Variants in PLXDC2 observed in about 807,000 individuals in gnomAD.
The protein encoded by PLXDC2 is plexin domain containing 2, also known as plexin domain-containing protein 2.
In PLXDC2, 40 loss-of-function variants were observed where a neutral mutation model predicts 68.9. That is an observed-to-expected ratio of 0.58 (90% CI 0.45 to 0.76). PLXDC2 has a LOEUF of 0.76. Ranked by LOEUF, PLXDC2 falls within the 30% of genes least tolerant of loss-of-function variation. PLXDC2 has a pLI of 0.00. For missense variants in PLXDC2, 644 were observed against 661.9 expected, an observed-to-expected ratio of 0.97 and a Z score of 0.30; for synonymous variants, 243 against 234.2, an observed-to-expected ratio of 1.04 and a Z score of -0.34.
intron 2 of PLXDC2, among the ~76,000 whole-genome samples, chr10:20,038,351 A>C (rs1835617824): frequency 6.6e-6 from 1 of 152,204 alleles, no homozygotes; most frequent in South Asian, 2.1e-4. Flanking sequence ...AAGTAGGTGA[A>C]AATTCTTGGG....
chr10:19,901,330 C>T (rs1317900544), intron 1 of PLXDC2, among the ~76,000 whole-genome samples: 1 of 152,088 alleles, frequency 6.6e-6, no homozygotes. Context: ...ACCTCCCTGC[C>T]AACATCTTTT....
At chr10:19,919,591 T>G (rs1195822357) in intron 1 of PLXDC2, among the ~76,000 whole-genome samples, 1 of 152,252 alleles carries the variant, frequency 6.6e-6, no homozygotes, top group Non-Finnish European at 1.5e-5. Flanking sequence ...GACAGCAATA[T>G]GTATTGTCCT....
intron 12 of PLXDC2, among the ~76,000 whole-genome samples, chr10:20,219,344 C>G (rs1294710891): frequency 6.6e-6 from 1 of 152,102 alleles, no homozygotes; most frequent in African/African-American, 2.4e-5. Flanking sequence ...AAAATTCAAC[C>G]ACACATCTTG....
intron 13 of PLXDC2, among the ~76,000 whole-genome samples, chr10:20,253,650 A>G (rs2119351120): frequency 6.6e-6 from 1 of 152,262 alleles, no homozygotes; most frequent in African/African-American, 2.4e-5. Flanking sequence ...TGTGCAACCT[A>G]GGGATTCTGT....
chr10:19,935,616 TCCAAGAGAACTCAGTCAC>T (rs1181971491), intron 1 of PLXDC2, among the ~76,000 whole-genome samples: 5 of 152,156 alleles, frequency 3.3e-5, no homozygotes, highest in Admixed American at 6.6e-5. Flanking sequence ...TGGCTCAGCA[TCCAAGAGAACTCAGTCAC>T]CCAAGAGAAT....
At chr10:19,964,059 G>A (rs1423002489) in intron 1 of PLXDC2, among the ~76,000 whole-genome samples, 3 of 152,096 alleles carry the variant, frequency 2.0e-5, no homozygotes, top group South Asian at 4.1e-4. Context: ...CAGCATCATC[G>A]GTTATAAGCA....
intron 1 of PLXDC2, among the ~76,000 whole-genome samples, chr10:19,922,078 C>T (rs1224050707): frequency 1.3e-5 from 2 of 152,052 alleles, no homozygotes; most frequent in African/African-American, 2.4e-5. Context: ...AGGCTGGTCT[C>T]GAACTCCTGA....
chr10:19,957,068 T>G (rs1027740495), intron 1 of PLXDC2, among the ~76,000 whole-genome samples: 2 of 152,194 alleles, frequency 1.3e-5, no homozygotes, highest in Non-Finnish European at 2.9e-5. Flanking sequence ...TTTATGAAAT[T>G]CAACAATTTG....
intron 1 of PLXDC2, among the ~76,000 whole-genome samples, chr10:19,972,618 C>G (rs751433588): frequency 2.6e-5 from 4 of 152,064 alleles, no homozygotes; most frequent in African/African-American, 4.8e-5. Context: ...AACAAACCTG[C>G]ACACACATCT....
At chr10:20,273,235 C>T (rs1564373186) in intron 13 of PLXDC2, among the ~76,000 whole-genome samples, 1 of 152,042 alleles carries the variant, frequency 6.6e-6, no homozygotes, top group African/African-American at 2.4e-5. Flanking sequence ...CTCTGTTTCC[C>T]GTTTTTTATG....
chr10:20,194,409 A>G (rs1457730189), intron 9 of PLXDC2, among the ~76,000 whole-genome samples: 1 of 152,024 alleles, frequency 6.6e-6, no homozygotes, highest in Non-Finnish European at 1.5e-5. Flanking sequence ...TCTAAATATG[A>G]AGGGAAAAAC....
chr10:20,249,013 A>C (rs1429780396), intron 13 of PLXDC2, among the ~76,000 whole-genome samples: 2 of 152,196 alleles, frequency 1.3e-5, no homozygotes, highest in Non-Finnish European at 2.9e-5. Flanking sequence ...ATGACTATTA[A>C]TAGTTTAATT....
At chr10:20,211,900 T>G (rs1456132825) in intron 10 of PLXDC2, among the ~76,000 whole-genome samples, 171 bp downstream of exon 10, 1 of 152,172 alleles carries the variant, frequency 6.6e-6, no homozygotes, top group African/African-American at 2.4e-5. Flanking sequence ...CAGCTGGCTA[T>G]TTTTGTTAAA....
intron 1 of PLXDC2, among the ~76,000 whole-genome samples, chr10:19,972,412 A>G (rs1405039541): frequency 6.6e-6 from 1 of 152,202 alleles, no homozygotes; most frequent in Non-Finnish European, 1.5e-5. Context: ...GTGGACATTG[A>G]GAGAGAAACA....
chr10:19,838,547 G>A (rs1184727644), intron 1 of PLXDC2, among the ~76,000 whole-genome samples: 8 of 152,182 alleles, frequency 5.3e-5, no homozygotes, highest in Admixed American at 4.6e-4. Flanking sequence ...CTTTTGAAAA[G>A]TGTGAGCTCA....
At position 19,916,696 on chromosome 10, in the gene PLXDC2, T is replaced by C. The variant is rs373866810; in HGVS notation, c.113-85079T>C. ...AGACAAATCTCACTGAGCTACACAGTGGTAGAGCTGCAGTGAACTCAAACT... is the reference window on the plus strand; with the variant it reads ...AGACAAATCTCACTGAGCTACACAGCGGTAGAGCTGCAGTGAACTCAAACT... On this transcript the variant is annotated intron_variant, in intron 1 of 13. Transcript: ENST00000377252. Among the ~76,000 whole-genome samples the C allele has an allele frequency of 5.9e-5, 9 of 152,274 alleles. No individual in the cohort carries two copies. The East Asian group carries it at 1.5e-3, about 26-fold the overall frequency.
chr10:20,040,575 TC>T (rs1323198665), intron 2 of PLXDC2, among the ~76,000 whole-genome samples: 9 of 152,156 alleles, frequency 5.9e-5, no homozygotes, highest in Admixed American at 5.9e-4. Context: ...GGATACCCTT[TC>T]CATTGCAGGG....
chr10:19,964,893 C>T lies in PLXDC2; in HGVS notation c.113-36882C>T, dbSNP rs377250304. Among the ~76,000 whole-genome samples, 19 of 152,294 alleles carry T rather than the reference C, an allele frequency of 1.2e-4. No homozygotes were observed. In the East Asian group the frequency reaches 3.7e-3, roughly 29 times the overall value. ...GGAGCAACCCAGGCTTCTGTTGCAA[C>T]CACTTTGCAATTAAATTTTCTCTTT... On this transcript the variant is annotated intron_variant, in intron 1 of 13. Transcript: ENST00000377252.
rs888801159 is a variant in PLXDC2 at position 20,219,558 on chromosome 10, A to C, written c.1312+456A>C. On this transcript the variant is annotated intron_variant, in intron 12 of 13. Coordinates refer to ENST00000377252, the MANE Select transcript of PLXDC2 (RefSeq NM_032812.9). ...CTATGAAGCAAAGAACAAAACTTAGATATCTGAAAGAATATCTTGTTGGTA... is the reference window on the plus strand; with the variant it reads ...CTATGAAGCAAAGAACAAAACTTAGCTATCTGAAAGAATATCTTGTTGGTA... Among the ~76,000 whole-genome samples, 7 of 152,322 alleles carry C rather than the reference A, an allele frequency of 4.6e-5. No individual in the cohort carries two copies. In the East Asian group the frequency reaches 5.8e-4, roughly 13 times the overall value.
Sources: allele counts gnomAD v4.1 joint callset (sites outside exome capture counted in the v4.1 genomes callset), GRCh38; gene constraint gnomAD v4.1.1; transcripts MANE v1.5; gene names NCBI Gene and HGNC (gene_info 2026-07-23, HGNC 2026-07-21).